The following ARPC4 variants were observed in gnomAD, a reference collection of about 807,000 sequenced individuals.
ARPC4 encodes the protein actin-related protein 2/3 complex subunit 4.
A neutral mutation model predicts 22.8 loss-of-function variants in ARPC4; 3 were observed. The ratio of observed to expected loss-of-function variants is 0.13; its 90% CI spans 0.06 to 0.34. ARPC4 has a LOEUF of 0.34. Ranked by LOEUF, ARPC4 falls within the 10% of genes least tolerant of loss-of-function variation. The pLI is 1.00. For missense variants in ARPC4, 98 were observed against 211.0 expected, an observed-to-expected ratio of 0.46 and a Z score of 3.32; for synonymous variants, 80 against 72.5, an observed-to-expected ratio of 1.10 and a Z score of -0.52.
chr3:9,793,219 G>A (rs971325015), intron 1 of ARPC4, 95 bp downstream of exon 1: 3 of 1,481,470 alleles, frequency 2.0e-6, no homozygotes, highest in Non-Finnish European at 2.7e-6. Flanking sequence ...GGGGCGCGGG[G>A]CCGAGGGATG....
rs574037319 is a variant in ARPC4 at position 9,799,813 on chromosome 3, T to C, written c.123-372T>C. 3.7e-3 allele frequency: 1,661 copies of C among 454,572 alleles called. 16 individuals carry two copies. Among genetic ancestry groups the C allele is most frequent in the South Asian group, 0.013 (833 of 62,724 alleles). The allele number at this position is 454,572 out of a possible 1,614,324, so 28.2% of individuals were successfully genotyped here. On this transcript the variant is annotated intron_variant, in intron 2 of 5. Transcript: ENST00000397261. ...CTTGTAGTTACTAAAATAGCTATCT[T>C]TTGTAAAGCTCCTACTATGTGCCAG...
At chr3:9,800,944 C>T (rs373846269) in intron 3 of ARPC4, among the ~76,000 whole-genome samples, 2 of 152,208 alleles carry the variant, frequency 1.3e-5, no homozygotes, top group Admixed American at 1.3e-4. Context: ...GGCACAGTGG[C>T]TCATGCCTGT....
In ARPC4 at chr3:9,800,236, G is replaced by C; in HGVS notation, c.174G>C (p.Lys58Asn). 1 of 1,614,168 alleles carries C rather than the reference G, an allele frequency of 6.2e-7. No homozygotes were observed. The highest frequency in any genetic ancestry group is 8.5e-7 in the Non-Finnish European group (1 of 1,180,036). ...LQPVTISRNE[K>N]EKVLIEGSIN... ...CTGTGACCATCAGCAGGAATGAGAAGGAAAAGGTTCTGATTGAGGGCTCCA... is the reference window on the plus strand; with the variant it reads ...CTGTGACCATCAGCAGGAATGAGAACGAAAAGGTTCTGATTGAGGGCTCCA... Residue 58 changes from lysine (K) to asparagine (N), a missense_variant, in exon 3 of 6, where the codon AAG becomes AAC. Physicochemically the swap from Lys to Asn is moderately conservative, Grantham distance 94. Transcript: ENST00000397261.
chr3:9,796,865 C>T (rs1009838799), intron 1 of ARPC4, among the ~76,000 whole-genome samples: 8 of 142,958 alleles, frequency 5.6e-5, no homozygotes, highest in East Asian at 2.0e-4. Context: ...GGCATGAACC[C>T]GGGAGGTGGA....
intron 1 of ARPC4, among the ~76,000 whole-genome samples, chr3:9,795,445 C>A (rs1348533381): frequency 1.3e-5 from 2 of 152,156 alleles, no homozygotes; most frequent in African/African-American, 4.8e-5. Flanking sequence ...TGAACTTCCT[C>A]CTCAGAAAGC....
At chr3:9,799,274 G>C (rs1014114398) in intron 2 of ARPC4, among the ~76,000 whole-genome samples, 9 of 152,120 alleles carry the variant, frequency 5.9e-5, no homozygotes, top group Admixed American at 3.9e-4. Flanking sequence ...TGGTATATTG[G>C]TTTGCCTGTA....
intron 2 of ARPC4, among the ~76,000 whole-genome samples, chr3:9,798,805 C>T (rs1197508334): frequency 3.9e-5 from 6 of 152,080 alleles, no homozygotes; most frequent in African/African-American, 1.4e-4. Flanking sequence ...ACCTGGGAGG[C>T]GGAGGTTGCA....
chr3:9,805,721 G>A (rs1381521484), intron 5 of ARPC4, among the ~76,000 whole-genome samples: 1 of 152,208 alleles, frequency 6.6e-6, no homozygotes, highest in Non-Finnish European at 1.5e-5. Flanking sequence ...AAATGTGCAG[G>A]GCTGTCCTAG....
intron 5 of ARPC4, among the ~76,000 whole-genome samples, chr3:9,805,849 G>A (rs1452907119): frequency 6.6e-6 from 1 of 152,178 alleles, no homozygotes; most frequent in Non-Finnish European, 1.5e-5. Flanking sequence ...TTGGCCCTCT[G>A]AGTCCCCAGG....
At chr3:9,795,599 A>G (rs1320503459) in intron 1 of ARPC4, among the ~76,000 whole-genome samples, 1 of 152,108 alleles carries the variant, frequency 6.6e-6, no homozygotes, top group Non-Finnish European at 1.5e-5. Context: ...CATTGTACTC[A>G]TTACTACTCT....
rs891285922 is a variant in ARPC4, at chr3:9,806,461, T to C, written c.*246T>C. 5.3e-5 allele frequency: 31 copies of C among 588,312 alleles called. No homozygotes were observed. The highest frequency in any genetic ancestry group is 4.5e-4 in the Middle Eastern group (1 of 2,218). 36.4% of individuals were successfully genotyped at this position (588,312 alleles called of 1,614,324 possible). ...AGTCCCCTGGGCCGGGACAGATTTT[T>C]TTTAACGTCTTGAAACTTAAACTCT... On this transcript the variant is annotated 3_prime_UTR_variant, in exon 6 of 6. Transcript: ENST00000397261.
intron 5 of ARPC4, among the ~76,000 whole-genome samples, chr3:9,805,650 C>G (rs898985089): frequency 2.6e-5 from 4 of 152,264 alleles, no homozygotes; most frequent in African/African-American, 9.6e-5. Context: ...GTGGGCCATG[C>G]AGTGCTCATC....
In ARPC4 at chr3:9,797,698, A is replaced by G; in HGVS notation, c.43A>G (p.Thr15Ala). Residue 15 changes from threonine (T) to alanine (A), a missense_variant, in exon 2 of 6, where the codon ACA becomes GCA. Transcript: ENST00000397261. ...LRPYLSAVRA[T>A]LQAALCLENF... ...CCCCTACCTGAGTGCCGTGCGGGCC[A>G]CATTGCAGGCTGCCCTCTGCCTGGA... is the stretch of plus-strand genomic sequence containing the variant. The G allele has an allele frequency of 6.2e-7, 1 of 1,614,132 alleles. No homozygotes were observed. Among genetic ancestry groups the G allele is most frequent in the Non-Finnish European group, 8.5e-7 (1 of 1,180,020 alleles).
At chr3:9,802,614 A>T (rs1216990497) in intron 4 of ARPC4, among the ~76,000 whole-genome samples, 1 of 150,180 alleles carries the variant, frequency 6.7e-6, no homozygotes, top group African/African-American at 2.5e-5. Flanking sequence ...TGACCTCGTG[A>T]TCTGCCTGCC....
chr3:9,804,654 T>C (rs1422729945), intron 5 of ARPC4, among the ~76,000 whole-genome samples: 1 of 152,170 alleles, frequency 6.6e-6, no homozygotes, highest in Non-Finnish European at 1.5e-5. Flanking sequence ...CAATCTTTGG[T>C]TTGTTGACAT....
chr3:9,805,702 T>C (rs1431521370), intron 5 of ARPC4, among the ~76,000 whole-genome samples: 1 of 152,258 alleles, frequency 6.6e-6, no homozygotes, highest in Non-Finnish European at 1.5e-5. Flanking sequence ...TCACAACCTT[T>C]GGTCTCTAAA....
intron 1 of ARPC4, among the ~76,000 whole-genome samples, chr3:9,793,730 C>T (rs1012232749): frequency 2.0e-5 from 3 of 150,250 alleles, no homozygotes; most frequent in Non-Finnish European, 2.9e-5. Context: ...GAAGTCCTCC[C>T]TTTTTCATAC....
chr3:9,804,148 A>C, intron 5 of ARPC4, 135 bp downstream of exon 5: 1 of 960,048 alleles, frequency 1.0e-6, no homozygotes, highest in Non-Finnish European at 1.5e-6. Context: ...CCTGGGGCAC[A>C]GCAGGTCAGT....
upstream of ARPC4, chr3:9,792,668 G>C (rs159429): frequency 0.16 from 196,944 of 1,231,786 alleles, 16,506 homozygotes; most frequent in African/African-American, 0.25. Flanking sequence ...CGAGATCTCC[G>C]CGCTGCAGTT....
Sources: allele counts gnomAD v4.1 joint callset (sites outside exome capture counted in the v4.1 genomes callset), GRCh38; gene constraint gnomAD v4.1.1; transcripts MANE v1.5; gene names NCBI Gene and HGNC (gene_info 2026-07-23, HGNC 2026-07-21).